HIBADH: variants seen among roughly 807,000 people sequenced by gnomAD.
The protein encoded by HIBADH is 3-hydroxyisobutyrate dehydrogenase.
HIBADH carries 25 observed loss-of-function variants against 36.1 expected under a neutral mutation model. That is an observed-to-expected ratio of 0.69 (90% CI 0.50 to 0.97). The LOEUF (loss-of-function observed/expected upper bound fraction) is 0.97. Among genes scored for constraint, HIBADH ranks in the 50% least tolerant of loss-of-function variants. HIBADH has a pLI of 0.00. For missense variants in HIBADH, 421 were observed against 418.0 expected (o/e 1.01, Z -0.06); for synonymous variants, 160 against 149.5 (o/e 1.07, Z -0.51).
At position 27,631,139 on chromosome 7, in the gene HIBADH, A is replaced by G. The variant is rs569499667; in HGVS notation, c.362+1197T>C. 4.1e-4 allele frequency among the ~76,000 whole-genome samples: 62 copies of G among 152,340 alleles called. 2 individuals carry two copies. On this transcript the variant is annotated intron_variant, in intron 3 of 7. Transcript: ENST00000265395. ...CCATATTCCTTAGCAAAGGATATTA[A>G]CAAATGTAGGGCTATGTCTCCTCAG...
intron 2 of HIBADH, among the ~76,000 whole-genome samples, chr7:27,635,939 A>G (rs750563665): frequency 2.0e-5 from 3 of 152,250 alleles, no homozygotes; most frequent in Non-Finnish European, 4.4e-5. Context: ...CTTGCAGCCA[A>G]TTTCTCTGAA....
intron 4 of HIBADH, among the ~76,000 whole-genome samples, chr7:27,570,860 T>A (rs1196333655): frequency 6.6e-6 from 1 of 152,148 alleles, no homozygotes; most frequent in African/African-American, 2.4e-5. Flanking sequence ...TTTAAAAAAA[T>A]TTAAACTCCT....
intron 5 of HIBADH, 56 bp from the exon 6 acceptor site, chr7:27,538,473 G>A: frequency 6.7e-7 from 1 of 1,496,462 alleles, no homozygotes; most frequent in African/African-American, 1.4e-5. Context: ...AAAACTCACA[G>A]GACGTTTTTC....
chr7:27,573,620 T>C (rs140543272), intron 4 of HIBADH, among the ~76,000 whole-genome samples: 2 of 152,304 alleles, frequency 1.3e-5, no homozygotes, highest in East Asian at 3.9e-4. Context: ...TAACAAACTT[T>C]GACAGGTAGT....
chr7:27,597,287 G>A (rs1297690277), intron 4 of HIBADH, among the ~76,000 whole-genome samples: 1 of 152,104 alleles, frequency 6.6e-6, no homozygotes, highest in Non-Finnish European at 1.5e-5. Context: ...GTATACCATT[G>A]TATTCTCAGT....
chr7:27,615,374 T>C (rs975444396), intron 4 of HIBADH, among the ~76,000 whole-genome samples: 1 of 152,206 alleles, frequency 6.6e-6, no homozygotes, highest in Non-Finnish European at 1.5e-5. Context: ...TGAACCTCGA[T>C]TTTTCCATCT....
chr7:27,550,055 G>A (rs6462032), intron 4 of HIBADH, among the ~76,000 whole-genome samples: 99,212 of 151,894 alleles, frequency 0.65, 33,313 homozygotes, highest in East Asian at 0.94. Flanking sequence ...CTATGGGCGC[G>A]TGCCACCACA....
At chr7:27,535,471 G>A (rs1002144952) in intron 6 of HIBADH, among the ~76,000 whole-genome samples, 1 of 152,134 alleles carries the variant, frequency 6.6e-6, no homozygotes, top group Non-Finnish European at 1.5e-5. Flanking sequence ...AGTGGTTGCT[G>A]GAGGAGCCTG....
chr7:27,601,186 G>C (rs1348463002), intron 4 of HIBADH, among the ~76,000 whole-genome samples: 3 of 152,152 alleles, frequency 2.0e-5, no homozygotes, highest in African/African-American at 4.8e-5. Flanking sequence ...CTTTCACTGA[G>C]TTCTCTTCAA....
At chr7:27,526,398 C>T (rs751836629) in intron 7 of HIBADH, 26 bp from the exon 8 acceptor site, 14 of 1,586,110 alleles carry the variant, frequency 8.8e-6, no homozygotes, top group African/African-American at 4.1e-5. Flanking sequence ...GGAGAGAACA[C>T]GCTGAGACTG....
At chr7:27,549,613 G>A (rs1403887055) in intron 4 of HIBADH, among the ~76,000 whole-genome samples, 1 of 152,148 alleles carries the variant, frequency 6.6e-6, no homozygotes, top group Non-Finnish European at 1.5e-5. Flanking sequence ...AGTAAATGAA[G>A]TAATGAACAA....
intron 1 of HIBADH, among the ~76,000 whole-genome samples, chr7:27,658,218 A>T (rs1786343008): frequency 6.6e-6 from 1 of 152,188 alleles, no homozygotes; most frequent in African/African-American, 2.4e-5. Context: ...AAACTCTCAA[A>T]CCTAAATAAT....
chr7:27,627,906 T>C (rs769129581), intron 4 of HIBADH, among the ~76,000 whole-genome samples: 2 of 152,172 alleles, frequency 1.3e-5, no homozygotes, highest in Non-Finnish European at 2.9e-5. Context: ...CTCATAAGAT[T>C]ATATTTTAAA....
intron 1 of HIBADH, among the ~76,000 whole-genome samples, chr7:27,655,879 A>G (rs982804068): frequency 2.6e-4 from 39 of 152,340 alleles, no homozygotes; most frequent in African/African-American, 9.4e-4. Context: ...TTGGTAAGAA[A>G]TAACTGATGA....
intron 1 of HIBADH, among the ~76,000 whole-genome samples, chr7:27,662,402 C>A (rs1786441392): frequency 6.6e-6 from 1 of 152,044 alleles, no homozygotes; most frequent in South Asian, 2.1e-4. Flanking sequence ...ATGCCGGGGT[C>A]CCAAATACTC....
chr7:27,527,624 G>A (rs931713885), intron 7 of HIBADH, among the ~76,000 whole-genome samples: 17 of 152,118 alleles, frequency 1.1e-4, no homozygotes, highest in African/African-American at 4.1e-4. Context: ...CATTGAGCAA[G>A]TCTATCAGCA....
At chr7:27,589,981 T>A (rs949507983) in intron 4 of HIBADH, among the ~76,000 whole-genome samples, 2 of 152,196 alleles carry the variant, frequency 1.3e-5, no homozygotes, top group Non-Finnish European at 2.9e-5. Context: ...CATTCTCAAG[T>A]AAGTACTAAT....
chr7:27,544,825 C>T (rs1784211376), intron 4 of HIBADH, among the ~76,000 whole-genome samples: 1 of 152,210 alleles, frequency 6.6e-6, no homozygotes, highest in South Asian at 2.1e-4. Context: ...TGGTTCTCAG[C>T]TGGTTAGTCT....
At chr7:27,645,377 T>TTTTTTG (rs1554300965) in intron 2 of HIBADH, among the ~76,000 whole-genome samples, 1 of 125,916 alleles carries the variant, frequency 7.9e-6, no homozygotes, top group East Asian at 2.3e-4. Context: ...GATTTTTTTT[T>TTTTTTG]TTTTTTTTTT....
Sources: gnomAD v4.1 joint callset for allele counts (sites outside exome capture counted in the v4.1 genomes callset) on GRCh38, gnomAD v4.1.1 for gene constraint, MANE v1.5 for transcripts, NCBI Gene and HGNC (gene_info 2026-07-23, HGNC 2026-07-21) for gene names.